The following RBMS1 variants were observed in gnomAD, a reference collection of about 807,000 sequenced individuals.
The protein encoded by RBMS1 is RNA binding motif single stranded interacting protein 1.
A neutral mutation model predicts 62.3 loss-of-function variants in RBMS1; 17 were observed. That is an observed-to-expected ratio of 0.27 (90% confidence interval 0.19 to 0.41). The LOEUF (loss-of-function observed/expected upper bound fraction) is 0.41. Ranked by LOEUF, RBMS1 falls within the 10% of genes least tolerant of loss-of-function variation. The probability of loss-of-function intolerance (pLI) is 1.00; values close to 1 mark genes in which losing one functional copy is unlikely to be tolerated. For missense variants in RBMS1, 334 were observed against 504.5 expected (o/e 0.66, Z 3.24); for synonymous variants, 172 against 170.0 (o/e 1.01, Z -0.09).
At chr2:160,334,907 T>C (rs996871434) in intron 2 of RBMS1, among the ~76,000 whole-genome samples, 3 of 150,822 alleles carry the variant, frequency 2.0e-5, no homozygotes, top group African/African-American at 7.3e-5. Flanking sequence ...CTTAAAGCTA[T>C]AATGGATACC....
chr2:160,386,882 A>C (rs1694609418), intron 1 of RBMS1, among the ~76,000 whole-genome samples: 1 of 152,234 alleles, frequency 6.6e-6, no homozygotes, highest in Non-Finnish European at 1.5e-5. Context: ...GAATTCCCTC[A>C]GTATTTTTCA....
intron 9 of RBMS1, chr2:160,282,123 T>C: frequency 2.5e-6 from 2 of 786,846 alleles, no homozygotes; most frequent in African/African-American, 1.8e-5. Flanking sequence ...AGAGTCTAAG[T>C]AATTTTATTA....
chr2:160,416,661 C>A (rs1696223731), intron 1 of RBMS1, among the ~76,000 whole-genome samples: 1 of 152,106 alleles, frequency 6.6e-6, no homozygotes, highest in Non-Finnish European at 1.5e-5. Flanking sequence ...GCAACTTGCC[C>A]TCTGACATGA....
rs1685454995 is a variant in RBMS1 at position 160,483,490 on chromosome 2, T to C, written c.75+9799A>G. Among the ~76,000 whole-genome samples the C allele has an allele frequency of 5.3e-5, 8 of 152,162 alleles. No individual in the cohort carries two copies. The South Asian group carries it at 1.4e-3, about 28-fold the overall frequency. ...TAAAATTTTATTTAAAATTTCCATA[T>C]AAAATTGGATAAAGAATCAGAAGAG... On this transcript the variant is annotated intron_variant, in intron 1 of 13. Transcript: ENST00000348849.
chr2:160,359,864 T>C (rs1693026778), intron 2 of RBMS1, among the ~76,000 whole-genome samples: 1 of 152,206 alleles, frequency 6.6e-6, no homozygotes, highest in Non-Finnish European at 1.5e-5. Context: ...CAGAGATCAA[T>C]GGAGATGTAC....
At chr2:160,487,393 C>A (rs1479662618) in intron 1 of RBMS1, among the ~76,000 whole-genome samples, 1 of 152,148 alleles carries the variant, frequency 6.6e-6, no homozygotes, top group Non-Finnish European at 1.5e-5. Context: ...TTATTTCTTG[C>A]CTTGTGTCTA....
intron 1 of RBMS1, among the ~76,000 whole-genome samples, chr2:160,450,572 A>AAAC (rs1553528043): frequency 6.7e-6 from 1 of 150,014 alleles, no homozygotes; most frequent in Admixed American, 6.6e-5. Context: ...ATGAAAAAAA[A>AAAC]AAAAAAACAA....
chr2:160,441,482 G>T (rs965097781), intron 1 of RBMS1, among the ~76,000 whole-genome samples: 2 of 152,212 alleles, frequency 1.3e-5, no homozygotes, highest in Admixed American at 1.3e-4. Context: ...TCAGCACTTT[G>T]GGAGGCCAAG....
chr2:160,415,450 A>G (rs778665749), intron 1 of RBMS1, among the ~76,000 whole-genome samples: 16 of 152,144 alleles, frequency 1.1e-4, no homozygotes, highest in Non-Finnish European at 1.8e-4. Context: ...CACTCTTGCT[A>G]CTAGGACCTG....
At chr2:160,490,333 C>T (rs1685770059) in intron 1 of RBMS1, among the ~76,000 whole-genome samples, 1 of 151,386 alleles carries the variant, frequency 6.6e-6, no homozygotes, top group Non-Finnish European at 1.5e-5. Flanking sequence ...AAACCAACAG[C>T]ATGTGAAATC....
chr2:160,339,701 AATAT>A lies in RBMS1; in HGVS notation c.252-21478_252-21475del, dbSNP rs5835801. Among the ~76,000 whole-genome samples the A allele has an allele frequency of 2.7e-3, 409 of 151,486 alleles. 1 individual carries two copies. The highest frequency in any genetic ancestry group is 8.9e-3 in the African/African-American group (367 of 41,268). ...ACGTGTGTGTGAGAGATGCAATTAA[AATAT>A]ATATATATATACACACACATACACA... On this transcript the variant is annotated intron_variant, in intron 2 of 13. Coordinates refer to ENST00000348849, the MANE Select transcript of RBMS1 (RefSeq NM_016836.4).
At chr2:160,395,133 C>A (rs1428640267) in intron 1 of RBMS1, among the ~76,000 whole-genome samples, 1 of 152,194 alleles carries the variant, frequency 6.6e-6, no homozygotes, top group African/African-American at 2.4e-5. Flanking sequence ...CACTGTAGGA[C>A]TTCTTGAAGA....
intron 4 of RBMS1, among the ~76,000 whole-genome samples, chr2:160,311,514 CCTT>C (rs1300157289): frequency 6.6e-6 from 1 of 151,932 alleles, no homozygotes; most frequent in Non-Finnish European, 1.5e-5. Flanking sequence ...CTTCTATGAA[CCTT>C]CTTATGTGTA....
rs576198770 is a variant in RBMS1, at chr2:160,326,139, C to A, written c.252-7912G>T. On this transcript the variant is annotated intron_variant, in intron 2 of 13. Coordinates refer to ENST00000348849, the MANE Select transcript of RBMS1 (RefSeq NM_016836.4). ...CTACTGCAGACCTAAAGGTCAGAAA[C>A]AACTGAAAACCAGGCGCTGAAGGTG... Among the ~76,000 whole-genome samples the A allele has an allele frequency of 3.1e-3, 469 of 152,196 alleles. 2 individuals carry two copies. Among genetic ancestry groups the A allele is most frequent in the Middle Eastern group, 0.01 (3 of 294 alleles).
intron 1 of RBMS1, among the ~76,000 whole-genome samples, chr2:160,385,611 C>T (rs564242233): frequency 9.2e-5 from 14 of 152,242 alleles, no homozygotes; most frequent in African/African-American, 3.1e-4. Context: ...TTTAAAATCT[C>T]AAAACTTCCA....
chr2:160,367,636 G>A (rs1488022494), intron 1 of RBMS1: 1 of 480,844 alleles, frequency 2.1e-6, no homozygotes, highest in Non-Finnish European at 3.3e-6. Flanking sequence ...CTAAATTTAT[G>A]TAACATTAAT....
At chr2:160,398,766 GT>G (rs2105227305) in intron 1 of RBMS1, among the ~76,000 whole-genome samples, 1 of 152,232 alleles carries the variant, frequency 6.6e-6, no homozygotes, top group South Asian at 2.1e-4. Flanking sequence ...AGCAAAAAAG[GT>G]TGCAGTAACT....
intron 2 of RBMS1, among the ~76,000 whole-genome samples, chr2:160,355,814 A>C (rs116306976): frequency 1.3e-5 from 2 of 152,008 alleles, no homozygotes; most frequent in African/African-American, 4.8e-5. Context: ...GTAACTTTCT[A>C]TCTCTCACAT....
intron 1 of RBMS1, among the ~76,000 whole-genome samples, chr2:160,400,291 T>C (rs564781444): frequency 6.7e-6 from 1 of 148,830 alleles, no homozygotes; most frequent in Non-Finnish European, 1.5e-5. Flanking sequence ...TGCACATGTA[T>C]CTCGGAACTG....
Sources: allele counts gnomAD v4.1 joint callset (sites outside exome capture counted in the v4.1 genomes callset), GRCh38; gene constraint gnomAD v4.1.1; transcripts MANE v1.5; gene names NCBI Gene and HGNC (gene_info 2026-07-23, HGNC 2026-07-21).